The following PLXDC2 variants were observed in gnomAD, a reference collection of about 807,000 sequenced individuals.
PLXDC2 encodes the protein plexin domain-containing protein 2.
A neutral mutation model predicts 68.9 loss-of-function variants in PLXDC2; 40 were observed. That is an observed-to-expected ratio of 0.58 (90% CI 0.45 to 0.76). The LOEUF (loss-of-function observed/expected upper bound fraction) is 0.76. PLXDC2 is among the 30% of genes least tolerant of loss of function. The pLI is 0.00. For missense variants in PLXDC2, 644 were observed against 661.9 expected (o/e 0.97, Z 0.30); for synonymous variants, 243 against 234.2 (o/e 1.04, Z -0.34).
chr10:19,896,171 C>T (rs1838054939), intron 1 of PLXDC2, among the ~76,000 whole-genome samples: 1 of 152,136 alleles, frequency 6.6e-6, no homozygotes, highest in African/African-American at 2.4e-5. Context: ...AGGCTGAGTC[C>T]AAGAAAGCAG....
chr10:20,054,844 A>C (rs1835967774), intron 3 of PLXDC2, among the ~76,000 whole-genome samples: 1 of 152,032 alleles, frequency 6.6e-6, no homozygotes, highest in Admixed American at 6.6e-5. Flanking sequence ...CCTAAAACTT[A>C]AAGTATAATA....
chr10:19,836,275 G>A (rs917133607), intron 1 of PLXDC2, among the ~76,000 whole-genome samples: 3 of 152,070 alleles, frequency 2.0e-5, no homozygotes, highest in African/African-American at 7.2e-5. Flanking sequence ...TGCCGGCAAA[G>A]GAGATTTGAG....
rs545564829 is a variant in PLXDC2 at position 20,091,096 on chromosome 10, G to C, written c.541+22857G>C. ...GTTTTAAAACATCAATATGTGATATGTTCAGCCTAGAACTCTATAGGAATT... is the reference window on the plus strand; with the variant it reads ...GTTTTAAAACATCAATATGTGATATCTTCAGCCTAGAACTCTATAGGAATT... On this transcript the variant is annotated intron_variant, in intron 4 of 13. Transcript: ENST00000377252. 3.3e-5 allele frequency among the ~76,000 whole-genome samples: 5 copies of C among 152,220 alleles called. No individual in the cohort carries two copies. In the East Asian group the frequency reaches 7.7e-4, roughly 24 times the overall value.
chr10:20,254,383 G>A (rs1383220040), intron 13 of PLXDC2, among the ~76,000 whole-genome samples: 1 of 152,266 alleles, frequency 6.6e-6, no homozygotes, highest in Admixed American at 6.5e-5. Flanking sequence ...TTGCACTTGG[G>A]GAGTTAGGAA....
chr10:19,829,580 T>G (rs554942346), intron 1 of PLXDC2, among the ~76,000 whole-genome samples: 49 of 151,890 alleles, frequency 3.2e-4, no homozygotes, highest in Non-Finnish European at 5.7e-4. Flanking sequence ...ATACAAAAAA[T>G]TAGCCAGACG....
chr10:20,062,782 T>G (rs558991535), intron 3 of PLXDC2, among the ~76,000 whole-genome samples: 8 of 152,146 alleles, frequency 5.3e-5, no homozygotes, highest in Non-Finnish European at 1.2e-4. Context: ...ACATCCCAGT[T>G]AAATTTATTA....
Position 20,284,629 on chromosome 10 carries a change from C to G in PLXDC2, c.*4810C>G, listed in dbSNP as rs567243986. 1 of 151,984 alleles carries G rather than the reference C, an allele frequency of 6.6e-6. No individual in the cohort carries two copies. Among genetic ancestry groups the G allele is most frequent in the South Asian group, 2.1e-4 (1 of 4,796 alleles). 9.4% of individuals were successfully genotyped at this position (151,984 alleles called of 1,614,324 possible). A position where few individuals can be genotyped will look rare whatever the true frequency, so the allele number is the denominator to read the frequency against. On this transcript the variant is annotated 3_prime_UTR_variant, in exon 14 of 14. Transcript: ENST00000377252. Reference sequence around the variant, plus strand: ...AATCGTGAGACATCATGTAATCCAACCTCTTAATGTTACAGATAAGTAAAC... The same window carrying G: ...AATCGTGAGACATCATGTAATCCAAGCTCTTAATGTTACAGATAAGTAAAC...
At chr10:19,844,589 T>TTTATTA (rs1836966953) in intron 1 of PLXDC2, among the ~76,000 whole-genome samples, 2 of 151,522 alleles carry the variant, frequency 1.3e-5, no homozygotes. Flanking sequence ...TATTTTTATT[T>TTTATTA]TTCAATATTT....
chr10:19,827,098 G>T (rs1836587312), intron 1 of PLXDC2, among the ~76,000 whole-genome samples: 1 of 152,212 alleles, frequency 6.6e-6, no homozygotes. Flanking sequence ...ACATGCAGGA[G>T]ATGCTTGGCT....
At chr10:20,062,188 G>A (rs1836117574) in intron 3 of PLXDC2, among the ~76,000 whole-genome samples, 2 of 152,220 alleles carry the variant, frequency 1.3e-5, no homozygotes, top group African/African-American at 4.8e-5. Flanking sequence ...CACTTTGGGA[G>A]GCCGAGGTGG....
At chr10:20,224,135 G>A (rs905543560) in intron 12 of PLXDC2, among the ~76,000 whole-genome samples, 3 of 151,910 alleles carry the variant, frequency 2.0e-5, no homozygotes, top group South Asian at 4.2e-4. Flanking sequence ...CACCATGCCC[G>A]GCTAATTTTT....
At chr10:20,090,508 C>G (rs1303435165) in intron 4 of PLXDC2, among the ~76,000 whole-genome samples, 2 of 152,062 alleles carry the variant, frequency 1.3e-5, no homozygotes, top group Admixed American at 1.3e-4. Context: ...TATATTTAAA[C>G]TTATTTTTCC....
intron 9 of PLXDC2, among the ~76,000 whole-genome samples, chr10:20,204,615 AT>A (rs1834965802): frequency 6.6e-6 from 1 of 152,190 alleles, no homozygotes; most frequent in South Asian, 2.1e-4. Flanking sequence ...AATCTTAATA[AT>A]TTTACAGAGC....
At chr10:19,983,347 A>G (rs1834584639) in intron 1 of PLXDC2, among the ~76,000 whole-genome samples, 1 of 152,208 alleles carries the variant, frequency 6.6e-6, no homozygotes. Flanking sequence ...AAAGGAAAGA[A>G]ACACTTTTCT....
intron 4 of PLXDC2, among the ~76,000 whole-genome samples, chr10:20,108,040 A>G (rs1261875836): frequency 6.6e-6 from 1 of 152,196 alleles, no homozygotes; most frequent in African/African-American, 2.4e-5. Flanking sequence ...CTTTACATAG[A>G]TATCATCATC....
chr10:20,274,354 T>C (rs916796227), intron 13 of PLXDC2, among the ~76,000 whole-genome samples: 4 of 152,310 alleles, frequency 2.6e-5, no homozygotes, highest in Admixed American at 6.5e-5. Context: ...ACACAAATTG[T>C]ATGTTTTTAT....
chr10:20,252,484 A>G (rs1287817606), intron 13 of PLXDC2, among the ~76,000 whole-genome samples: 1 of 152,192 alleles, frequency 6.6e-6, no homozygotes, highest in Admixed American at 6.5e-5. Context: ...TTATATTTCT[A>G]TTGGATGATG....
chr10:20,186,544 T>C (rs1834685818), intron 9 of PLXDC2, among the ~76,000 whole-genome samples: 1 of 151,948 alleles, frequency 6.6e-6, no homozygotes, highest in East Asian at 1.9e-4. Flanking sequence ...ATAGTTACTT[T>C]TTCTGATCCT....
At chr10:20,064,483 G>T (rs1836166408) in intron 3 of PLXDC2, among the ~76,000 whole-genome samples, 1 of 152,118 alleles carries the variant, frequency 6.6e-6, no homozygotes, top group Non-Finnish European at 1.5e-5. Context: ...GCCTCCCAAA[G>T]TGCTGTGATT....
Sources: allele counts gnomAD v4.1 joint callset (sites outside exome capture counted in the v4.1 genomes callset), GRCh38; gene constraint gnomAD v4.1.1; transcripts MANE v1.5; gene names NCBI Gene and HGNC (gene_info 2026-07-23, HGNC 2026-07-21).